The following ARSG variants were observed in gnomAD, a reference collection of about 807,000 sequenced individuals.
The protein encoded by ARSG is arylsulfatase G.
In ARSG, 37 loss-of-function variants were observed where a neutral mutation model predicts 50.5. That is an observed-to-expected ratio of 0.73 (90% CI 0.56 to 0.96). The LOEUF (loss-of-function observed/expected upper bound fraction) is 0.96. Among genes scored for constraint, ARSG ranks in the 50% least tolerant of loss-of-function variants. The pLI is 0.00. For missense variants in ARSG, 629 were observed against 675.3 expected, an observed-to-expected ratio of 0.93 and a Z score of 0.76; for synonymous variants, 225 against 254.6, an observed-to-expected ratio of 0.88 and a Z score of 1.11.
Position 68,413,422 on chromosome 17 carries a change from T to C in ARSG, c.1304-6767T>C, listed in dbSNP as rs551170621. ...GCCCCTGCTGGGGGGTGCCTCCCAG[T>C]TAGGCTGCTCGGGGGTCAGGGACCC... On this transcript the variant is annotated intron_variant, in intron 11 of 11. Transcript: ENST00000621439. Among the ~76,000 whole-genome samples, 1,107 of 152,360 alleles carry C rather than the reference T, an allele frequency of 7.3e-3. 6 individuals are homozygous for C. Among genetic ancestry groups the C allele is most frequent in the Non-Finnish European group, 9.1e-3 (616 of 68,034 alleles).
chr17:68,359,962 C>T (rs1397283810), intron 6 of ARSG, among the ~76,000 whole-genome samples: 1 of 152,162 alleles, frequency 6.6e-6, no homozygotes, highest in Non-Finnish European at 1.5e-5. Context: ...GGCCCCTGTG[C>T]CCCATGGCAC....
At chr17:68,338,041 T>C (rs566923924) in intron 2 of ARSG, among the ~76,000 whole-genome samples, 1 of 152,292 alleles carries the variant, frequency 6.6e-6, no homozygotes, top group South Asian at 2.1e-4. Context: ...CTGGTTTTTC[T>C]CTAGATGGTT....
chr17:68,314,612 C>A (rs2077000382), intron 2 of ARSG, among the ~76,000 whole-genome samples: 1 of 151,682 alleles, frequency 6.6e-6, no homozygotes, highest in Non-Finnish European at 1.5e-5. Context: ...GAGGCTGAAG[C>A]ACACGGATCC....
At chr17:68,414,881 C>T (rs372366106) in intron 11 of ARSG, among the ~76,000 whole-genome samples, 1 of 152,046 alleles carries the variant, frequency 6.6e-6, no homozygotes, top group Admixed American at 6.6e-5. Flanking sequence ...TGTAATATCT[C>T]CTGTTTTGTT....
chr17:68,343,986 T>C (rs970351104), intron 3 of ARSG, among the ~76,000 whole-genome samples, 195 bp downstream of exon 3: 1 of 152,236 alleles, frequency 6.6e-6, no homozygotes, highest in African/African-American at 2.4e-5. Flanking sequence ...CCTCCCATTA[T>C]AGCAAGTTTT....
chr17:68,352,193 G>GAGAC (rs1177231506), intron 5 of ARSG, among the ~76,000 whole-genome samples: 34 of 145,950 alleles, frequency 2.3e-4, no homozygotes, highest in African/African-American at 8.1e-4. Flanking sequence ...GACAGAGACA[G>GAGAC]AGAGAGAGAG....
At chr17:68,438,373 A>C in the ARSG span, among the ~76,000 whole-genome samples, 3 of 152,200 alleles carry the variant, frequency 2.0e-5, no homozygotes, top group Non-Finnish European at 2.9e-5. Flanking sequence ...TTGCTATCCA[A>C]ATGAAATTTC....
At position 68,420,553 on chromosome 17, in the gene ARSG, G is replaced by A. The variant is rs1476531647; in HGVS notation, c.*90G>A. Reference sequence around the variant, plus strand: ...ATTTTTACCCTCTTTACAAACACACGCTTTAGTTTAGTCTTGGAGTTTAGT... The same window carrying A: ...ATTTTTACCCTCTTTACAAACACACACTTTAGTTTAGTCTTGGAGTTTAGT... On this transcript the variant is annotated 3_prime_UTR_variant, in exon 12 of 12. Transcript: ENST00000621439. 1.1e-5 allele frequency: 16 copies of A among 1,422,858 alleles called. No individual in the cohort carries two copies. The highest frequency in any genetic ancestry group is 3.6e-4 in the Middle Eastern group (2 of 5,530). 88.1% of individuals were successfully genotyped at this position (1,422,858 alleles called of 1,614,324 possible).
rs2075327683 is a variant in ARSG, at chr17:68,271,191, G to GC, written c.-552+11768dup. 1 of 1,613,868 alleles carries GC rather than the reference G, an allele frequency of 6.2e-7. No individual in the cohort carries two copies. Among genetic ancestry groups the GC allele is most frequent in the Non-Finnish European group, 8.5e-7 (1 of 1,180,044 alleles). On this transcript the variant is annotated intron_variant, in intron 1 of 11. Transcript: ENST00000448504. This position sits in a 1 kb window ranked among gnomAD's most constrained non-coding sequence, Gnocchi z 5.3. ...AAAAAGCAGCGCGGTCCTGGTCAAT[G>GC]CCCAGACTAATGCCCAGAGGAATGA...
At chr17:68,347,240 G>T in intron 4 of ARSG, 68 bp downstream of exon 4, 1 of 1,537,044 alleles carries the variant, frequency 6.5e-7, no homozygotes, top group South Asian at 1.1e-5. Flanking sequence ...AAGACTCCAT[G>T]AACAGCTAAG....
intron 2 of ARSG, among the ~76,000 whole-genome samples, chr17:68,321,660 C>G (rs1170695828): frequency 6.6e-6 from 1 of 152,156 alleles, no homozygotes; most frequent in Non-Finnish European, 1.5e-5. Flanking sequence ...TTTGTGGCAG[C>G]CTTTCCAGTG....
rs147037037 is a variant in ARSG, at chr17:68,322,936, C to T, written c.218+15225C>T. 3.5e-3 allele frequency among the ~76,000 whole-genome samples: 536 copies of T among 152,220 alleles called. 9 individuals carry two copies. The highest frequency in any genetic ancestry group is 2.6e-3 in the Non-Finnish European group (176 of 68,006). On this transcript the variant is annotated intron_variant, in intron 2 of 11. Coordinates refer to ENST00000621439, the MANE Select transcript of ARSG (RefSeq NM_001267727.2). The stretch of plus-strand genomic sequence containing the variant: ...CTCTTTCCTGGCTTGCAGACGGCCC[C>T]CTTCTTGCTGTATTCTCACAAGGAG...
chr17:68,311,660 C>G (rs1245185396), intron 2 of ARSG, among the ~76,000 whole-genome samples: 2 of 151,988 alleles, frequency 1.3e-5, no homozygotes, highest in Non-Finnish European at 2.9e-5. Flanking sequence ...AGCCATGCCT[C>G]TACAAGCCAG....
chr17:68,311,555 G>C (rs1396224053), intron 2 of ARSG, among the ~76,000 whole-genome samples: 3 of 152,020 alleles, frequency 2.0e-5, no homozygotes, highest in South Asian at 4.1e-4. Context: ...ATTTAGGGTG[G>C]GTCCTAAATC....
At chr17:68,269,018 T>C in intron 1 of ARSG, 1 of 1,585,098 alleles carries the variant, frequency 6.3e-7, no homozygotes, top group Non-Finnish European at 8.6e-7. Context: ...GGTTAGCTCC[T>C]CTGCCTCCTT....
rs147231105 is a variant in ARSG at position 68,381,344 on chromosome 17, G to A, written c.983-3720G>A. ...TGTGGCTAAATATTTATTGCTTTAA[G>A]AGGTTCTGCTTTAATTAGAGTCACA... is the stretch of plus-strand genomic sequence containing the variant. On this transcript the variant is annotated intron_variant, in intron 8 of 11. Transcript: ENST00000621439. This position sits in a 1 kb window ranked among gnomAD's most constrained non-coding sequence, Gnocchi z 4.1. Among the ~76,000 whole-genome samples the A allele has an allele frequency of 8.5e-5, 13 of 152,310 alleles. No homozygotes were observed. The East Asian group carries it at 2.5e-3, about 29-fold the overall frequency.
chr17:68,393,042 T>C (rs1273092480), intron 9 of ARSG, among the ~76,000 whole-genome samples: 1 of 152,192 alleles, frequency 6.6e-6, no homozygotes, highest in Non-Finnish European at 1.5e-5. Flanking sequence ...GGGATTACCC[T>C]TGTGAATCAT....
downstream of ARSG, chr17:68,426,254 G>GGC: frequency 2.4e-6 from 2 of 816,920 alleles, no homozygotes; most frequent in East Asian, 3.5e-5. Flanking sequence ...GGGAGCGGGG[G>GGC]CTCAAATAAA....
At chr17:68,426,254 G>GGCCCCC, downstream of ARSG, 3 of 816,908 alleles carry the variant, frequency 3.7e-6, no homozygotes, top group East Asian at 3.5e-5. Context: ...GGGAGCGGGG[G>GGCCCCC]CTCAAATAAA....
Sources: allele counts gnomAD v4.1 joint callset (sites outside exome capture counted in the v4.1 genomes callset), GRCh38; gene constraint gnomAD v4.1.1; non-coding constraint Gnocchi (gnomAD v3.1); transcripts MANE v1.5; gene names NCBI Gene and HGNC (gene_info 2026-07-23, HGNC 2026-07-21).